The following RABGAP1L variants were observed in gnomAD, a reference collection of about 807,000 sequenced individuals.
RABGAP1L encodes rab GTPase-activating protein 1-like.
In RABGAP1L, 63 loss-of-function variants were observed where a neutral mutation model predicts 137.7. That is an observed-to-expected ratio of 0.46 (90% CI 0.37 to 0.56). The LOEUF (loss-of-function observed/expected upper bound fraction) is 0.56, where lower values mean the gene tolerates loss of function less well. RABGAP1L is among the 20% of genes least tolerant of loss of function. The pLI is 0.00. For missense variants in RABGAP1L, 1,095 were observed against 1,244.0 expected (o/e 0.88, Z 1.80); for synonymous variants, 431 against 433.7 (o/e 0.99, Z 0.08).
intron 19 of RABGAP1L, among the ~76,000 whole-genome samples, chr1:174,823,817 A>G (rs1691291699): frequency 1.3e-5 from 2 of 152,230 alleles, no homozygotes; most frequent in South Asian, 2.1e-4. Flanking sequence ...CATGTTCTCC[A>G]TAAATATGTA....
At chr1:174,472,382 C>A (rs114447903) in intron 13 of RABGAP1L, among the ~76,000 whole-genome samples, 2,602 of 152,260 alleles carry the variant, frequency 0.017, 66 homozygotes, top group African/African-American at 0.06. Context: ...CTGTATTTCC[C>A]AAAGTGGGGA....
At chr1:174,385,554 G>T (rs1476902726) in intron 12 of RABGAP1L, among the ~76,000 whole-genome samples, 1 of 152,202 alleles carries the variant, frequency 6.6e-6, no homozygotes, top group East Asian at 1.9e-4. Flanking sequence ...TACGGAGTGA[G>T]TTTAGATGAA....
At chr1:174,329,319 G>C (rs1680816522) in intron 11 of RABGAP1L, among the ~76,000 whole-genome samples, 1 of 152,166 alleles carries the variant, frequency 6.6e-6, no homozygotes, top group South Asian at 2.1e-4. Flanking sequence ...GACTGATGTT[G>C]AGTAGCAAGA....
At chr1:174,947,186 C>G (rs75681856) in intron 19 of RABGAP1L, among the ~76,000 whole-genome samples, 1 of 148,210 alleles carries the variant, frequency 6.7e-6, no homozygotes, top group Admixed American at 6.7e-5. Context: ...AGAAAGTTTT[C>G]AAATGCAAGC....
At chr1:174,471,047 C>A (rs1197811771) in intron 13 of RABGAP1L, among the ~76,000 whole-genome samples, 3 of 144,356 alleles carry the variant, frequency 2.1e-5, no homozygotes, top group African/African-American at 7.9e-5. Flanking sequence ...GAAAAAAAAA[C>A]ACACTTTGAT....
chr1:174,543,908 T>G (rs12095679), intron 13 of RABGAP1L, among the ~76,000 whole-genome samples: 10 of 152,046 alleles, frequency 6.6e-5, no homozygotes, highest in Admixed American at 1.3e-4. Flanking sequence ...TCTTTAAGAA[T>G]GTTGAATATT....
intron 6 of RABGAP1L, among the ~76,000 whole-genome samples, chr1:174,251,740 A>G (rs527286790): frequency 6.6e-6 from 1 of 152,252 alleles, no homozygotes; most frequent in African/African-American, 2.4e-5. Context: ...CTATGTGTCT[A>G]AAAGTATGCT....
At chr1:174,780,681 T>C (rs959181480) in intron 18 of RABGAP1L, among the ~76,000 whole-genome samples, 2 of 150,928 alleles carry the variant, frequency 1.3e-5, no homozygotes, top group African/African-American at 2.4e-5. Flanking sequence ...AACTCGTCAT[T>C]TACATTAGGT....
At chr1:174,383,382 C>A (rs1438029361) in intron 12 of RABGAP1L, among the ~76,000 whole-genome samples, 5 of 149,488 alleles carry the variant, frequency 3.3e-5, no homozygotes, top group South Asian at 2.1e-4. Context: ...GGCGCCCCTC[C>A]CCCAGCCTCA....
intron 19 of RABGAP1L, among the ~76,000 whole-genome samples, chr1:174,871,212 G>A (rs1242142521): frequency 6.6e-6 from 1 of 152,048 alleles, no homozygotes; most frequent in East Asian, 1.9e-4. Context: ...CACCTAGGCT[G>A]GAGTGCAGTG....
chr1:174,214,720 A>G (rs1272396822), intron 1 of RABGAP1L, among the ~76,000 whole-genome samples: 1 of 152,228 alleles, frequency 6.6e-6, no homozygotes, highest in Non-Finnish European at 1.5e-5. Context: ...TAAGCTGCTA[A>G]GAACATAACA....
At chr1:174,521,018 TTTCAAGAACATA>T (rs1663328126) in intron 13 of RABGAP1L, among the ~76,000 whole-genome samples, 1 of 152,140 alleles carries the variant, frequency 6.6e-6, no homozygotes, top group Admixed American at 6.5e-5. Flanking sequence ...AGTGTTTTAG[TTTCAAGAACATA>T]TTGTGGTGAT....
intron 13 of RABGAP1L, among the ~76,000 whole-genome samples, chr1:174,517,418 C>T (rs1330604375): frequency 6.6e-6 from 1 of 151,994 alleles, no homozygotes; most frequent in African/African-American, 2.4e-5. Context: ...AGATTCTCTC[C>T]TGGAAAGTGA....
intron 19 of RABGAP1L, among the ~76,000 whole-genome samples, chr1:174,816,882 C>G (rs1690483724): frequency 6.6e-6 from 1 of 152,128 alleles, no homozygotes; most frequent in Non-Finnish European, 1.5e-5. Context: ...AGGCGTGCGC[C>G]ACCATGCCTG....
intron 19 of RABGAP1L, among the ~76,000 whole-genome samples, chr1:174,820,974 A>T (rs958265742): frequency 2.0e-5 from 3 of 150,900 alleles, no homozygotes; most frequent in Non-Finnish European, 4.4e-5. Context: ...CTGACATTGC[A>T]CCACTGCACT....
At chr1:174,313,954 G>A (rs905377652) in intron 11 of RABGAP1L, among the ~76,000 whole-genome samples, 2 of 152,006 alleles carry the variant, frequency 1.3e-5, no homozygotes, top group Admixed American at 6.5e-5. Flanking sequence ...AGAGATATTG[G>A]CCTATACTTT....
intron 13 of RABGAP1L, among the ~76,000 whole-genome samples, chr1:174,436,297 C>T (rs1653290024): frequency 1.3e-5 from 2 of 152,200 alleles, no homozygotes; most frequent in Non-Finnish European, 2.9e-5. Context: ...CCTGTTTCTC[C>T]ACATCCTCTC....
At chr1:174,398,610 C>G (rs1648169135) in intron 13 of RABGAP1L, among the ~76,000 whole-genome samples, 1 of 152,108 alleles carries the variant, frequency 6.6e-6, no homozygotes, top group South Asian at 2.1e-4. Flanking sequence ...AGTCTATCAC[C>G]CTTTTAAAGA....
At chr1:174,349,098 C>T (rs1479770517) in intron 11 of RABGAP1L, among the ~76,000 whole-genome samples, 46 of 122,700 alleles carry the variant, frequency 3.7e-4, no homozygotes, top group African/African-American at 4.1e-4. Context: ...GCTGGCCGGG[C>T]GGGGGGCTGA....
Sources: allele counts gnomAD v4.1 joint callset (sites outside exome capture counted in the v4.1 genomes callset), GRCh38; gene constraint gnomAD v4.1.1; transcripts MANE v1.5; gene names NCBI Gene and HGNC (gene_info 2026-07-23, HGNC 2026-07-21).